GALM: variants seen among roughly 807,000 people sequenced by gnomAD.
The protein encoded by GALM is galactose mutarotase.
In GALM, 43 loss-of-function variants were observed where a neutral mutation model predicts 37.4. That is an observed-to-expected ratio of 1.15 (90% confidence interval 0.90 to 1.48). The LOEUF (loss-of-function observed/expected upper bound fraction) is 1.48, where lower values mean the gene tolerates loss of function less well. Among genes scored for constraint, GALM ranks in the 40% most tolerant of loss-of-function variants. GALM has a pLI of 0.00. For synonymous variants in GALM, 199 were observed against 170.6 expected (o/e 1.17, Z -1.30); for missense variants, 456 against 419.1 (o/e 1.09, Z -0.77).
At chr2:38,672,918 G>A (rs1220143444) in intron 1 of GALM, among the ~76,000 whole-genome samples, 1 of 152,060 alleles carries the variant, frequency 6.6e-6, no homozygotes, top group African/African-American at 2.4e-5. Flanking sequence ...GCTGAGGCAG[G>A]AGAACTGCTT....
At chr2:38,670,219 G>A (rs1665058093) in intron 1 of GALM, among the ~76,000 whole-genome samples, 2 of 152,162 alleles carry the variant, frequency 1.3e-5, no homozygotes, top group Admixed American at 1.3e-4. Context: ...TTCTTTCAAA[G>A]CCTGTGCTGA....
At chr2:38,721,204 A>G (rs1270977045) in intron 4 of GALM, among the ~76,000 whole-genome samples, 1 of 152,222 alleles carries the variant, frequency 6.6e-6, no homozygotes, top group East Asian at 1.9e-4. Context: ...GAAGGCAGTG[A>G]GTTTTTCCTT....
chr2:38,678,849 A>T (rs1665324130), intron 2 of GALM, among the ~76,000 whole-genome samples: 1 of 152,226 alleles, frequency 6.6e-6, no homozygotes, highest in Non-Finnish European at 1.5e-5. Context: ...TTTCAAGTCC[A>T]TAGAGTTTGG....
At position 38,731,878 on chromosome 2, in the gene GALM, A is replaced by T. The variant is rs929483358; in HGVS notation, c.920A>T (p.Glu307Val). The T allele has an allele frequency of 3.1e-6, 5 of 1,614,066 alleles. No homozygotes were observed. Among genetic ancestry groups the T allele is most frequent in the Non-Finnish European group, 4.2e-6 (5 of 1,180,036 alleles). ...CCCAAGCACTCCGGTTTCTGCCTGG[A>T]GACTCAGAACTGGCCTGATGCAGTC... ...VYPKHSGFCL[E>V]TQNWPDAVNQ... Residue 307 changes from glutamate (E) to valine (V), a missense_variant, in exon 6 of 7, where the codon GAG (glutamate) becomes GTG (valine). Coordinates refer to ENST00000272252, the MANE Select transcript of GALM (RefSeq NM_138801.3).
intron 4 of GALM, among the ~76,000 whole-genome samples, chr2:38,703,092 A>AT (rs1172635009): frequency 1.3e-4 from 1 of 7,968 alleles, no homozygotes. Flanking sequence ...ATATATATAT[A>AT]TTTTTTTTTT....
intron 1 of GALM, among the ~76,000 whole-genome samples, chr2:38,674,315 A>G (rs1447302408): frequency 6.6e-6 from 1 of 150,766 alleles, no homozygotes; most frequent in African/African-American, 2.4e-5. Flanking sequence ...TCAGCCTCCC[A>G]AGTAGCTGGG....
chr2:38,682,221 T>C lies in GALM; in HGVS notation c.552+735T>C, dbSNP rs73930827. Reference sequence around the variant, plus strand: ...CCCCCTTAAGTGATCCCTTCTGAACTACCTCATTCCCTCCTAAAGGTAACA... The same window carrying C: ...CCCCCTTAAGTGATCCCTTCTGAACCACCTCATTCCCTCCTAAAGGTAACA... On this transcript the variant is annotated intron_variant, in intron 3 of 6. Transcript: ENST00000272252. 721 of 450,762 alleles carry C rather than the reference T, an allele frequency of 1.6e-3. 6 individuals carry two copies. Among genetic ancestry groups the C allele is most frequent in the African/African-American group, 0.013 (656 of 50,160 alleles). 27.9% of individuals were successfully genotyped at this position (450,762 alleles called of 1,614,324 possible). A position where few individuals can be genotyped will look rare whatever the true frequency, so the allele number is the denominator to read the frequency against.
intron 5 of GALM, among the ~76,000 whole-genome samples, chr2:38,730,877 C>T (rs190809358): frequency 1.6e-3 from 245 of 150,500 alleles, no homozygotes; most frequent in Middle Eastern, 3.5e-3. Context: ...GCCGAGATCA[C>T]GCCACTGCAC....
At chr2:38,720,957 A>G (rs1666366093) in intron 4 of GALM, among the ~76,000 whole-genome samples, 1 of 152,238 alleles carries the variant, frequency 6.6e-6, no homozygotes, top group Admixed American at 6.5e-5. Flanking sequence ...TAAGGTGGTT[A>G]AAAAGGTCCA....
chr2:38,724,405 T>C (rs193188561), intron 4 of GALM, among the ~76,000 whole-genome samples: 2 of 152,222 alleles, frequency 1.3e-5, no homozygotes, highest in Admixed American at 1.3e-4. Flanking sequence ...CAAGAAGAAA[T>C]TATGTTAGAG....
intron 4 of GALM, among the ~76,000 whole-genome samples, chr2:38,706,350 G>A (rs561598354): frequency 3.8e-4 from 58 of 151,070 alleles, no homozygotes; most frequent in Non-Finnish European, 4.3e-4. Flanking sequence ...TTCTAAGCTG[G>A]GAACTGACCT....
intron 5 of GALM, among the ~76,000 whole-genome samples, chr2:38,730,851 G>T (rs1040562646): frequency 4.6e-5 from 7 of 151,854 alleles, no homozygotes; most frequent in Middle Eastern, 6.8e-3. Context: ...AACCCAGGGG[G>T]TGGAAGTTGT....
chr2:38,699,354 G>A (rs778816136), intron 4 of GALM, among the ~76,000 whole-genome samples: 1 of 152,216 alleles, frequency 6.6e-6, no homozygotes. Context: ...AGGGTAATTA[G>A]CATATCCATC....
Position 38,667,445 on chromosome 2 carries a change from C to A in GALM, c.190+1094C>A, listed in dbSNP as rs190825842. Among the ~76,000 whole-genome samples, 401 of 151,812 alleles carry A rather than the reference C, an allele frequency of 2.6e-3. 3 individuals are homozygous for A. Among genetic ancestry groups the A allele is most frequent in the African/African-American group, 9.1e-3 (375 of 41,428 alleles). On this transcript the variant is annotated intron_variant, in intron 1 of 6. Transcript: ENST00000272252. The stretch of plus-strand genomic sequence containing the variant: ...ATTAGCTGAGCATGGTGGCACGTGC[C>A]TGTAATCCCAGCTAGTCAGGAGGCT...
intron 4 of GALM, among the ~76,000 whole-genome samples, chr2:38,720,944 G>C (rs1355302978): frequency 6.6e-6 from 1 of 152,150 alleles, no homozygotes; most frequent in Non-Finnish European, 1.5e-5. Flanking sequence ...ACATTCTTTT[G>C]GTTAAGGTGG....
chr2:38,683,689 C>T (rs968491217), intron 3 of GALM, among the ~76,000 whole-genome samples: 3 of 152,068 alleles, frequency 2.0e-5, no homozygotes, highest in African/African-American at 4.8e-5. Flanking sequence ...GCCTCAGCTT[C>T]CCTAGTAGCT....
At chr2:38,698,204 A>G (rs1665849164) in intron 4 of GALM, among the ~76,000 whole-genome samples, 1 of 152,126 alleles carries the variant, frequency 6.6e-6, no homozygotes, top group Non-Finnish European at 1.5e-5. Flanking sequence ...TCAGCCTTTC[A>G]AAGTGCTGGG....
At chr2:38,719,211 C>T (rs1188540007) in intron 4 of GALM, among the ~76,000 whole-genome samples, 1 of 151,818 alleles carries the variant, frequency 6.6e-6, no homozygotes. Flanking sequence ...GTGGCTCATG[C>T]CTGTAATCTC....
intron 4 of GALM, among the ~76,000 whole-genome samples, chr2:38,729,061 C>T (rs879777651): frequency 9.2e-5 from 14 of 152,164 alleles, no homozygotes; most frequent in East Asian, 1.9e-4. Flanking sequence ...TCCAGGACCC[C>T]CTACTGATAC....
Sources: gnomAD v4.1 joint callset for allele counts (sites outside exome capture counted in the v4.1 genomes callset) on GRCh38, gnomAD v4.1.1 for gene constraint, MANE v1.5 for transcripts, NCBI Gene and HGNC (gene_info 2026-07-23, HGNC 2026-07-21) for gene names.